The following TENM3 variants were observed in gnomAD, a reference collection of about 807,000 sequenced individuals.
TENM3 encodes the protein teneurin-3.
A neutral mutation model predicts 255.1 loss-of-function variants in TENM3; 63 were observed. That is an observed-to-expected ratio of 0.25 (90% CI 0.20 to 0.30). TENM3 has a LOEUF of 0.30. Ranked by LOEUF, TENM3 falls within the 10% of genes least tolerant of loss-of-function variation. The probability of loss-of-function intolerance (pLI) is 1.00; values close to 1 mark genes in which losing one functional copy is unlikely to be tolerated. For missense variants in TENM3, 2,929 were observed against 3,461.1 expected, an observed-to-expected ratio of 0.85 and a Z score of 3.86; for synonymous variants, 1,306 against 1,322.3, an observed-to-expected ratio of 0.99 and a Z score of 0.27.
intron 4 of TENM3, among the ~76,000 whole-genome samples, chr4:182,616,448 AC>A (rs1749525695): frequency 6.7e-6 from 1 of 149,538 alleles, no homozygotes; most frequent in Non-Finnish European, 1.5e-5. Context: ...GGTGCAGCGC[AC>A]CAGCATGGCA....
At chr4:181,613,750 TG>T in the TENM3 span, among the ~76,000 whole-genome samples, 2 of 152,198 alleles carry the variant, frequency 1.3e-5, no homozygotes, top group East Asian at 3.8e-4. Context: ...AAATTGTGAT[TG>T]GGGGGCCCCT....
intron 16 of TENM3, among the ~76,000 whole-genome samples, chr4:182,732,277 A>G (rs1396088539): frequency 6.6e-6 from 1 of 152,216 alleles, no homozygotes; most frequent in East Asian, 1.9e-4. Context: ...CATTGTACCA[A>G]GTGCTACTGA....
chr4:182,405,914 G>T (rs1377134423), intron 3 of TENM3, among the ~76,000 whole-genome samples: 2 of 152,126 alleles, frequency 1.3e-5, no homozygotes, highest in East Asian at 1.9e-4. Flanking sequence ...GGAGCCTCTG[G>T]GTTTGCAAAG....
the TENM3 span, among the ~76,000 whole-genome samples, chr4:181,462,904 C>T: frequency 6.6e-6 from 1 of 152,178 alleles, no homozygotes; most frequent in Admixed American, 6.5e-5. Flanking sequence ...TTACCTTATT[C>T]ATCCCTGTGA....
At chr4:182,497,876 A>G (rs1353925835) in intron 3 of TENM3, among the ~76,000 whole-genome samples, 2 of 125,202 alleles carry the variant, frequency 1.6e-5, no homozygotes, top group Admixed American at 8.3e-5. Context: ...ATATATATAT[A>G]TATATATCTC....
chr4:181,836,492 T>A, the TENM3 span, among the ~76,000 whole-genome samples: 1 of 152,192 alleles, frequency 6.6e-6, no homozygotes, highest in Non-Finnish European at 1.5e-5. Flanking sequence ...TGGGTTCAAT[T>A]TCTTTTTTCA....
chr4:181,825,289 T>C, the TENM3 span, among the ~76,000 whole-genome samples: 13 of 150,260 alleles, frequency 8.7e-5, no homozygotes, highest in African/African-American at 3.2e-4. Context: ...TACTCCCAGC[T>C]ACTCCAGAGG....
intron 1 of TENM3, among the ~76,000 whole-genome samples, chr4:182,194,841 A>G (rs1323248799): frequency 6.6e-6 from 1 of 152,242 alleles, no homozygotes; most frequent in Non-Finnish European, 1.5e-5. Flanking sequence ...ATGAATTCAA[A>G]TAAAGATTGC....
the TENM3 span, among the ~76,000 whole-genome samples, chr4:181,887,090 C>T: frequency 1.3e-5 from 2 of 152,030 alleles, no homozygotes; most frequent in South Asian, 4.1e-4. Flanking sequence ...AGTTTTTCTT[C>T]CTGCTCACCT....
At chr4:182,540,008 C>G (rs1740699381) in intron 3 of TENM3, among the ~76,000 whole-genome samples, 1 of 152,212 alleles carries the variant, frequency 6.6e-6, no homozygotes, top group African/African-American at 2.4e-5. Flanking sequence ...GACTTGAGCA[C>G]TCTTCCTAAT....
chr4:181,883,477 T>G, the TENM3 span, among the ~76,000 whole-genome samples: 159 of 152,278 alleles, frequency 1.0e-3, no homozygotes, highest in Non-Finnish European at 1.6e-3. Flanking sequence ...GTACAATTTT[T>G]TTGTTGTTGT....
the TENM3 span, among the ~76,000 whole-genome samples, chr4:181,659,778 A>G: frequency 5.5e-4 from 84 of 152,296 alleles, no homozygotes; most frequent in African/African-American, 1.9e-3. Context: ...GAGAGTCACA[A>G]CTAAACAATG....
chr4:182,087,297 T>C, the TENM3 span, among the ~76,000 whole-genome samples: 2 of 152,238 alleles, frequency 1.3e-5, no homozygotes, highest in South Asian at 4.1e-4. Flanking sequence ...AGTCTGTTTT[T>C]GTTCAGGGTT....
the TENM3 span, among the ~76,000 whole-genome samples, chr4:181,594,292 C>CA: frequency 0.01 from 1,569 of 151,670 alleles, 13 homozygotes; most frequent in Middle Eastern, 0.037. Flanking sequence ...TTTTATTTTT[C>CA]AAAAAAACCA....
chr4:181,829,247 A>G, the TENM3 span, among the ~76,000 whole-genome samples: 1 of 152,216 alleles, frequency 6.6e-6, no homozygotes, highest in Non-Finnish European at 1.5e-5. Flanking sequence ...CTTCTCAGTT[A>G]TATTCAGAAC....
the TENM3 span, among the ~76,000 whole-genome samples, chr4:181,501,538 T>C: frequency 2.0e-5 from 3 of 151,996 alleles, no homozygotes; most frequent in Non-Finnish European, 4.4e-5. Context: ...CCACCACGTC[T>C]GGCTAATTGT....
At chr4:181,936,686 T>C in the TENM3 span, among the ~76,000 whole-genome samples, 1 of 151,960 alleles carries the variant, frequency 6.6e-6, no homozygotes, top group Admixed American at 6.6e-5. Flanking sequence ...TTGAGCGTTA[T>C]GGCTGAGATT....
chr4:181,862,005 A>G, the TENM3 span, among the ~76,000 whole-genome samples: 1 of 152,028 alleles, frequency 6.6e-6, no homozygotes, highest in Admixed American at 6.6e-5. Flanking sequence ...TCCTCTTCTG[A>G]TCTATGCTCA....
chr4:181,565,695 TATC>T, the TENM3 span, among the ~76,000 whole-genome samples: 7 of 152,104 alleles, frequency 4.6e-5, no homozygotes, highest in Admixed American at 2.6e-4. Flanking sequence ...TTGAAGGTAT[TATC>T]ATGTTTGTGA....
Sources: gnomAD v4.1 joint callset for allele counts (sites outside exome capture counted in the v4.1 genomes callset) on GRCh38, gnomAD v4.1.1 for gene constraint, MANE v1.5 for transcripts, NCBI Gene and HGNC (gene_info 2026-07-23, HGNC 2026-07-21) for gene names.